Variants in FRMD4B observed in about 807,000 individuals in gnomAD.
FRMD4B encodes FERM domain-containing protein 4B.
Under a neutral mutation model 141.5 loss-of-function variants are expected in FRMD4B, and 74 were observed. The observed-to-expected ratio is 0.52, with a 90% CI of 0.43 to 0.63. The LOEUF (loss-of-function observed/expected upper bound fraction) is 0.63. Ranked by LOEUF, FRMD4B falls within the 30% of genes least tolerant of loss-of-function variation. The pLI is 0.00. For synonymous variants in FRMD4B, 506 were observed against 467.9 expected (o/e 1.08, Z -1.05); for missense variants, 1,366 against 1,253.4 (o/e 1.09, Z -1.36).
At chr3:69,258,259 C>T (rs1394432763) in intron 5 of FRMD4B, among the ~76,000 whole-genome samples, 1 of 152,154 alleles carries the variant, frequency 6.6e-6, no homozygotes, top group Non-Finnish European at 1.5e-5. Flanking sequence ...AGCCACTGCG[C>T]CCAGCCAGTA....
intron 22 of FRMD4B, among the ~76,000 whole-genome samples, chr3:69,172,403 AGT>A (rs1423168414): frequency 6.6e-6 from 1 of 152,048 alleles, no homozygotes; most frequent in Admixed American, 6.6e-5. Context: ...TCTCTCTTTC[AGT>A]GTCTCGGAGT....
chr3:69,322,420 A>C (rs1320111702), intron 1 of FRMD4B, among the ~76,000 whole-genome samples: 1 of 152,104 alleles, frequency 6.6e-6, no homozygotes, highest in Non-Finnish European at 1.5e-5. Context: ...CTACCCTCCC[A>C]ATGTGCAATC....
intron 5 of FRMD4B, among the ~76,000 whole-genome samples, chr3:69,275,366 G>T (rs1201711385): frequency 2.0e-5 from 3 of 151,940 alleles, no homozygotes; most frequent in Admixed American, 2.0e-4. Context: ...GCTTTATCCA[G>T]TGGGAAAAAT....
chr3:69,531,075 C>T (rs17006068), intron 1 of FRMD4B, among the ~76,000 whole-genome samples: 35,331 of 151,998 alleles, frequency 0.23, 4,326 homozygotes, highest in African/African-American at 0.29. Flanking sequence ...ACTACTTATC[C>T]CTTAAACTTC....
chr3:69,385,103 C>G (rs1345240410), intron 1 of FRMD4B, among the ~76,000 whole-genome samples: 1 of 151,556 alleles, frequency 6.6e-6, no homozygotes, highest in Non-Finnish European at 1.5e-5. Flanking sequence ...AACTGCAGTA[C>G]CAGAGAGGAT....
At chr3:69,495,826 G>C (rs780638814) in intron 1 of FRMD4B, among the ~76,000 whole-genome samples, 10 of 152,230 alleles carry the variant, frequency 6.6e-5, no homozygotes, top group Middle Eastern at 3.4e-3. Flanking sequence ...ATTGTTGTTT[G>C]ACTACGTTGA....
At chr3:69,203,320 C>CAAAAAAAAAAAA (rs796607832) in intron 11 of FRMD4B, among the ~76,000 whole-genome samples, 10 of 107,888 alleles carry the variant, frequency 9.3e-5, no homozygotes, top group East Asian at 3.4e-4. Flanking sequence ...CAAACTTCAG[C>CAAAAAAAAAAAA]AAAAAAAAAA....
intron 1 of FRMD4B, among the ~76,000 whole-genome samples, chr3:69,522,373 A>T (rs1700867048): frequency 6.6e-6 from 1 of 151,770 alleles, no homozygotes; most frequent in Admixed American, 6.6e-5. Context: ...GCAAAAAGTC[A>T]GGAAAGTAGT....
chr3:69,441,886 G>A (rs114965360), intron 1 of FRMD4B, among the ~76,000 whole-genome samples: 1,659 of 152,156 alleles, frequency 0.011, 36 homozygotes, highest in African/African-American at 0.039. Flanking sequence ...CTTACAAAAC[G>A]GATTCCAAAC....
chr3:69,232,914 GTTTT>G (rs58551547), intron 7 of FRMD4B, among the ~76,000 whole-genome samples: 166 of 128,788 alleles, frequency 1.3e-3, no homozygotes, highest in African/African-American at 1.7e-3. Flanking sequence ...TTTGTTGTTT[GTTTT>G]TTTTTTTTTT....
At chr3:69,445,672 C>T (rs1407716994) in intron 1 of FRMD4B, among the ~76,000 whole-genome samples, 1 of 152,200 alleles carries the variant, frequency 6.6e-6, no homozygotes, top group Non-Finnish European at 1.5e-5. Flanking sequence ...AGTCCATTCT[C>T]ACTGCAGGGA....
chr3:69,417,726 T>A (rs936779014), intron 2 of FRMD4B, among the ~76,000 whole-genome samples: 19 of 152,238 alleles, frequency 1.2e-4, no homozygotes, highest in Non-Finnish European at 2.6e-4. Flanking sequence ...CAAATTACCA[T>A]AGCTGATGGC....
Position 69,180,919 on chromosome 3 carries a change from C to G in FRMD4B, c.2831G>C (p.Arg944Pro), listed in dbSNP as rs199933053. The change falls in exon 21 of 23, where the codon CGT becomes CCT. Residue 944 changes from arginine (R) to proline (P), a missense_variant. By Grantham distance (103) the Arg-to-Pro change is moderately radical. Coordinates refer to ENST00000398540, the MANE Select transcript of FRMD4B (RefSeq NM_015123.3). ...CTCACCTGAAGAGTACGAGGATGCA[C>G]GACTGCTTGGAGAACAAGGTACTTG... ...GLQVPCSPSSRASSYSSVSST... is the reference protein window; with the variant it reads ...GLQVPCSPSSPASSYSSVSST... 7 of 1,608,054 alleles carry G rather than the reference C, an allele frequency of 4.4e-6. No homozygotes were observed. Among genetic ancestry groups the G allele is most frequent in the African/African-American group, 2.7e-5 (2 of 74,854 alleles).
At chr3:69,241,041 T>C (rs985319676) in intron 7 of FRMD4B, among the ~76,000 whole-genome samples, 17 of 152,166 alleles carry the variant, frequency 1.1e-4, no homozygotes, top group Non-Finnish European at 2.5e-4. Flanking sequence ...AACGGCCTGG[T>C]CCACTCCAGT....
chr3:69,410,337 A>T (rs768836255), intron 2 of FRMD4B, among the ~76,000 whole-genome samples: 3 of 152,106 alleles, frequency 2.0e-5, no homozygotes, highest in Non-Finnish European at 2.9e-5. Context: ...GTGTGAATGC[A>T]GGGGTAAGCG....
At chr3:69,458,056 A>G (rs1265501258) in intron 1 of FRMD4B, among the ~76,000 whole-genome samples, 1 of 152,116 alleles carries the variant, frequency 6.6e-6, no homozygotes, top group Non-Finnish European at 1.5e-5. Flanking sequence ...GCTTCCTGGG[A>G]ATCTCCTCTC....
At chr3:69,317,683 A>T (rs1040719036) in intron 1 of FRMD4B, among the ~76,000 whole-genome samples, 4 of 133,000 alleles carry the variant, frequency 3.0e-5, no homozygotes, top group African/African-American at 1.1e-4. Flanking sequence ...TGAACCCAGG[A>T]GGCGGAGATT....
intron 1 of FRMD4B, among the ~76,000 whole-genome samples, chr3:69,436,518 T>C (rs367835198): frequency 2.6e-5 from 4 of 152,326 alleles, no homozygotes; most frequent in East Asian, 1.9e-4. Flanking sequence ...GCAGCCACTA[T>C]GAAAAGCTGT....
At chr3:69,340,778 T>G (rs1702714218) in intron 1 of FRMD4B, among the ~76,000 whole-genome samples, 2 of 152,236 alleles carry the variant, frequency 1.3e-5, no homozygotes, top group South Asian at 4.1e-4. Flanking sequence ...TTCTCTATAC[T>G]TCTTTGTTGC....
Sources: allele counts gnomAD v4.1 joint callset (sites outside exome capture counted in the v4.1 genomes callset), GRCh38; gene constraint gnomAD v4.1.1; transcripts MANE v1.5; gene names NCBI Gene and HGNC (gene_info 2026-07-23, HGNC 2026-07-21).